Variants in FOXD4 observed in about 807,000 individuals in gnomAD.
FOXD4 encodes forkhead box protein D4.
Under a neutral mutation model 26.5 loss-of-function variants are expected in FOXD4, and 22 were observed. That is an observed-to-expected ratio of 0.83 (90% CI 0.59 to 1.18). FOXD4 has a LOEUF of 1.18. FOXD4 is among the 50% of genes most tolerant of loss of function. The pLI, the probability that FOXD4 is intolerant of heterozygous loss-of-function variation, is 0.00. For missense variants in FOXD4, 625 were observed against 605.8 expected (o/e 1.03, Z -0.33); for synonymous variants, 258 against 273.7 (o/e 0.94, Z 0.57).
At position 117,667 on chromosome 9, in the gene FOXD4, G is replaced by A; in HGVS notation, c.453C>T (p.Ser151=). The part of the protein sequence containing the change: ...YRRKFPAWQN[S]IRHNLSLNDC... Reference sequence around the variant, plus strand: ...CGTTCAGCGAGAGGTTGTGGCGGATGCTGTTCTGCCAGGCGGGGAACTTGC... The same window carrying A: ...CGTTCAGCGAGAGGTTGTGGCGGATACTGTTCTGCCAGGCGGGGAACTTGC... The change falls in exon 1 of 1, where the codon AGC becomes AGT. Residue 151 remains serine, a synonymous_variant. Transcript: ENST00000382500. 6.2e-7 allele frequency: 1 copy of A among 1,613,338 alleles called. No individual in the cohort carries two copies. Among genetic ancestry groups the A allele is most frequent in the Non-Finnish European group, 8.5e-7 (1 of 1,179,900 alleles).
Position 118,092 on chromosome 9 carries a change from G to A in FOXD4, c.28C>T (p.Arg10Cys). 6.2e-7 allele frequency: 1 copy of A among 1,611,950 alleles called. No homozygotes were observed. Among genetic ancestry groups the A allele is most frequent in the Non-Finnish European group, 8.5e-7 (1 of 1,179,848 alleles). The stretch of plus-strand genomic sequence containing the variant: ...CGGAGGCTGCGCTGCGGTGTGGAGC[G>A]AAGGCGCTCAGCTCTTGGCAAGTTC... MNLPRAERL[R>C]STPQRSLRDS... The change falls in exon 1 of 1, where the codon CGC (arginine) becomes TGC (cysteine). Residue 10 changes from arginine (R) to cysteine (C), a missense_variant. Physicochemically the swap from Arg to Cys is radical, Grantham distance 180. Coordinates refer to ENST00000382500, the MANE Select transcript of FOXD4 (RefSeq NM_207305.5).
Position 116,622 on chromosome 9 carries a change from G to A in FOXD4, c.*178C>T, listed in dbSNP as rs541524788. 6.0e-5 allele frequency: 66 copies of A among 1,096,460 alleles called. 1 individual carries two copies. The Middle Eastern group carries it at 1.9e-3, about 32-fold the overall frequency. 67.9% of individuals were successfully genotyped at this position (1,096,460 alleles called of 1,614,324 possible). On this transcript the variant is annotated 3_prime_UTR_variant, in exon 1 of 1. Transcript: ENST00000382500. The stretch of plus-strand genomic sequence containing the variant: ...GCAAGAAAAGATGACTTGACGCCCT[G>A]CGAAGGTTACGTTCAGGTGGTTTTT...
chr9:117,969 G>A lies in FOXD4; in HGVS notation c.151C>T (p.Leu51Phe), dbSNP rs1819416380. 1.2e-6 allele frequency: 2 copies of A among 1,611,978 alleles called. No homozygotes were observed. The highest frequency in any genetic ancestry group is 1.7e-6 in the Non-Finnish European group (2 of 1,179,792). The change falls in exon 1 of 1, where the codon CTC becomes TTC. Residue 51 changes from leucine to phenylalanine, a missense_variant. Physicochemically the swap from Leu to Phe is conservative, Grantham distance 22. Transcript: ENST00000382500. ...AASQQFLEQS[L>F]QPGLQVARWG... is the part of the protein sequence containing the mutation. ...CGGGCCACCTGCAGCCCCGGCTGGA[G>A]CGACTGCTCTAGGAACTGCTGGCTC...
In FOXD4 at chr9:116,443, G is replaced by C. The variant is rs1303881089; in HGVS notation, c.*357C>G. 5.7e-5 allele frequency: 23 copies of C among 402,114 alleles called. No homozygotes were observed. The highest frequency in any genetic ancestry group is 1.1e-4 in the Non-Finnish European group (23 of 211,784). The allele number at this position is 402,114 out of a possible 1,614,324, so 24.9% of individuals were successfully genotyped here. A position where few individuals can be genotyped will look rare whatever the true frequency, so the allele number is the denominator to read the frequency against. Reference sequence around the variant, plus strand: ...TAGGAATAATACTTCCAGTTCCAAGGAAGTGAAGAAGGGGGAACATGTTTG... The same window carrying C: ...TAGGAATAATACTTCCAGTTCCAAGCAAGTGAAGAAGGGGGAACATGTTTG... On this transcript the variant is annotated 3_prime_UTR_variant, in exon 1 of 1. Coordinates refer to ENST00000382500, the MANE Select transcript of FOXD4 (RefSeq NM_207305.5).
At position 118,116 on chromosome 9, in the gene FOXD4, T is replaced by G. The variant is rs1478850981; in HGVS notation, c.4A>C (p.Asn2His). 6.8e-6 allele frequency: 11 copies of G among 1,611,814 alleles called. 1 individual carries two copies. Among genetic ancestry groups the G allele is most frequent in the Non-Finnish European group, 9.3e-6 (11 of 1,179,828 alleles). The change falls in exon 1 of 1, where the codon AAC (asparagine) becomes CAC (histidine). Residue 2 changes from asparagine to histidine, a missense_variant. By Grantham distance (68) the Asn-to-His change is moderately conservative (BLOSUM62 1). This residue lies in a region of FOXD4 where 399 missense variants were observed against 329.4 expected (regional missense o/e 1.21). Transcript: ENST00000382500. ...CGAAGGCGCTCAGCTCTTGGCAAGT[T>G]CATGGCGGAGCAGGTGCTTCAGTCG... is the stretch of plus-strand genomic sequence containing the variant. Reference protein sequence around the residue: MNLPRAERLRST... With the variant: MHLPRAERLRST...
In FOXD4 at chr9:118,163, C is replaced by G; in HGVS notation, c.-44G>C. Reference sequence around the variant, plus strand: ...GTCGCAGGGGATGTGGCGGCCGGATCACCTGGCCCCGGCGGGCTGAGCTGG... The same window carrying G: ...GTCGCAGGGGATGTGGCGGCCGGATGACCTGGCCCCGGCGGGCTGAGCTGG... On this transcript the variant is annotated 5_prime_UTR_variant, in exon 1 of 1. Coordinates refer to ENST00000382500, the MANE Select transcript of FOXD4 (RefSeq NM_207305.5). The G allele has an allele frequency of 1.3e-6, 2 of 1,542,938 alleles. No individual in the cohort carries two copies. The highest frequency in any genetic ancestry group is 1.7e-6 in the Non-Finnish European group (2 of 1,147,168).
At position 117,454 on chromosome 9, in the gene FOXD4, G is replaced by A. The variant is rs1213971492; in HGVS notation, c.666C>T (p.Ala222=). The A allele has an allele frequency of 8.1e-6, 13 of 1,601,602 alleles. No individual in the cohort carries two copies. The highest frequency in any genetic ancestry group is 9.3e-6 in the Non-Finnish European group (11 of 1,178,470). The part of the protein sequence containing the change: ...PHPFPLPAAH[A]ALHNPRPGPL... ...GGCCTGGGCGGGGGTTGTGCAGGGC[G>A]GCGTGTGCAGCAGGTAGAGGGAAGG... is the stretch of plus-strand genomic sequence containing the variant. The change falls in exon 1 of 1, where the codon GCC becomes GCT. Residue 222 remains alanine, a synonymous_variant. Transcript: ENST00000382500.
In FOXD4 at chr9:117,736, G is replaced by T. The variant is rs572848687; in HGVS notation, c.384C>A (p.Ser128Arg). 1.3e-5 allele frequency: 21 copies of T among 1,613,210 alleles called. No individual in the cohort carries two copies. The highest frequency in any genetic ancestry group is 3.3e-5 in the Admixed American group (2 of 60,026). The change falls in exon 1 of 1, where the codon AGC becomes AGA. Residue 128 changes from serine (S) to arginine (R), a missense_variant. Transcript: ENST00000382500. ...LQSPHKRLTL[S>R]GICAFISDRF... Reference sequence around the variant, plus strand: ...GGTCACTAATGAAGGCGCAGATGCCGCTGAGCGTGAGGCGCTTGTGCGGGC... The same window carrying T: ...GGTCACTAATGAAGGCGCAGATGCCTCTGAGCGTGAGGCGCTTGTGCGGGC...
At position 117,872 on chromosome 9, in the gene FOXD4, C is replaced by G; in HGVS notation, c.248G>C (p.Gly83Ala). The G allele has an allele frequency of 1.2e-6, 2 of 1,611,974 alleles. No individual in the cohort carries two copies. Among genetic ancestry groups the G allele is most frequent in the Non-Finnish European group, 1.7e-6 (2 of 1,179,794 alleles). ...CCTTGGCGGTGCCCTGAACTCGGTG[C>G]CAAACTCTGAGGGGTCGCTCGGGCC... ...GGGPSDPSEF[G>A]TEFRAPPRSA... The change falls in exon 1 of 1, where the codon GGC becomes GCC. Residue 83 changes from glycine (G) to alanine (A), a missense_variant. Physicochemically the swap from Gly to Ala is moderately conservative, Grantham distance 60. Coordinates refer to ENST00000382500, the MANE Select transcript of FOXD4 (RefSeq NM_207305.5).
chr9:118,123 G>A lies in FOXD4; in HGVS notation c.-4C>T, dbSNP rs12347535. ...GCTCAGCTCTTGGCAAGTTCATGGC[G>A]GAGCAGGTGCTTCAGTCGCAGGGGA... On this transcript the variant is annotated 5_prime_UTR_variant, in exon 1 of 1. Coordinates refer to ENST00000382500, the MANE Select transcript of FOXD4 (RefSeq NM_207305.5). The A allele has an allele frequency of 6.1e-4, 983 of 1,611,946 alleles. 5 individuals are homozygous for A. In the African/African-American group the frequency reaches 0.012, roughly 19 times the overall value.
Position 116,289 on chromosome 9 carries a change from T to G in FOXD4, c.*511A>C, listed in dbSNP as rs1237144565. On this transcript the variant is annotated 3_prime_UTR_variant, in exon 1 of 1. Coordinates refer to ENST00000382500, the MANE Select transcript of FOXD4 (RefSeq NM_207305.5). ...ATAACTAGGCTTAATTTTAACACCT[T>G]AATTTTAACATTAAAGATGGCACGT... The G allele has an allele frequency of 5.6e-6, 1 of 179,782 alleles. No homozygotes were observed. The highest frequency in any genetic ancestry group is 1.3e-5 in the Non-Finnish European group (1 of 75,076). The allele number at this position is 179,782 out of a possible 1,614,324, so 11.1% of individuals were successfully genotyped here.
chr9:117,092 C>T lies in FOXD4; in HGVS notation c.1028G>A (p.Arg343Gln), dbSNP rs754017099. The change falls in exon 1 of 1, where the codon CGA becomes CAA. Residue 343 changes from arginine (R) to glutamine (Q), a missense_variant. Transcript: ENST00000382500. ...GCAGGGGGCAGTAGCTCCACGCGGT[C>T]GGGGACAAACTCTGCGCAGCCCCTG... is the stretch of plus-strand genomic sequence containing the variant. ...RVQGLRRVCPRPRGATAPCSS... is the reference protein window; with the variant it reads ...RVQGLRRVCPQPRGATAPCSS... 72 of 1,611,876 alleles carry T rather than the reference C, an allele frequency of 4.5e-5. No homozygotes were observed. Among genetic ancestry groups the T allele is most frequent in the Non-Finnish European group, 5.8e-5 (68 of 1,179,854 alleles).
At position 118,201 on chromosome 9, in the gene FOXD4, A is replaced by AAT. The variant is rs1819427919; in HGVS notation, c.-84_-83dup. 28 of 1,610,570 alleles carry AAT rather than the reference A, an allele frequency of 1.7e-5. No homozygotes were observed. Among genetic ancestry groups the AAT allele is most frequent in the South Asian group, 9.9e-5 (9 of 90,940 alleles). ...CGGGCTGAGCTGGAAGCCCGGGATG[A>AAT]ATGTTGCAAGAAGCAGGAACGCTAG... On this transcript the variant is annotated 5_prime_UTR_variant, in exon 1 of 1. Transcript: ENST00000382500.
At position 117,020 on chromosome 9, in the gene FOXD4, C is replaced by T. The variant is rs181689053; in HGVS notation, c.1100G>A (p.Arg367Gln). 6.2e-7 allele frequency: 1 copy of T among 1,612,074 alleles called. No individual in the cohort carries two copies. Among genetic ancestry groups the T allele is most frequent in the Non-Finnish European group, 8.5e-7 (1 of 1,179,860 alleles). Residue 367 changes from arginine to glutamine, a missense_variant, in exon 1 of 1, where the codon CGG (arginine) becomes CAG (glutamine). Around this residue, in one of 3 missense-constraint regions of FOXD4, gnomAD observed 134 missense variants for 132.2 expected, o/e 1.01. Coordinates refer to ENST00000382500, the MANE Select transcript of FOXD4 (RefSeq NM_207305.5). ...GTTGGCGCAGTCCTCCTCCTGATGC[C>T]GCTGCTGTTGCTGCAAAATTGTCCG... Reference protein sequence around the residue: ...ACRTILQQQQRHQEEDCANGC... With the variant: ...ACRTILQQQQQHQEEDCANGC...
chr9:116,233 G>C lies in FOXD4; in HGVS notation c.*567C>G, dbSNP rs1322169781. 5.8e-6 allele frequency: 1 copy of C among 173,012 alleles called. No homozygotes were observed. The highest frequency in any genetic ancestry group is 1.4e-5 in the Non-Finnish European group (1 of 71,340). 10.7% of individuals were successfully genotyped at this position (173,012 alleles called of 1,614,324 possible). ...GACGTAATAGAAAATAAACGATGTA[G>C]TGTAGTGACTTAGCATTTTATTTCG... On this transcript the variant is annotated 3_prime_UTR_variant, in exon 1 of 1. Transcript: ENST00000382500.
Position 117,327 on chromosome 9 carries a change from G to C in FOXD4, c.793C>G (p.Arg265Gly), listed in dbSNP as rs776688538. 1.9e-6 allele frequency: 3 copies of C among 1,598,506 alleles called. No individual in the cohort carries two copies. Among genetic ancestry groups the C allele is most frequent in the Non-Finnish European group, 2.5e-6 (3 of 1,179,504 alleles). The change falls in exon 1 of 1, where the codon CGC becomes GGC. Residue 265 changes from arginine to glycine, a missense_variant. Around this residue, in one of 3 missense-constraint regions of FOXD4, gnomAD observed 92 missense variants for 144.2 expected, o/e 0.64. Coordinates refer to ENST00000382500, the MANE Select transcript of FOXD4 (RefSeq NM_207305.5). ...PYALLHPHPP[R>G]YLLLSAPAYA... ...GCGGGGGCCGAGAGCAGTAGGTAGC[G>C]AGGAGGATGCGGGTGCAGCAGAGCG...
chr9:118,011 C>G lies in FOXD4; in HGVS notation c.109G>C (p.Asp37His). 1 of 1,611,878 alleles carries G rather than the reference C, an allele frequency of 6.2e-7. No individual in the cohort carries two copies. Residue 37 changes from aspartate to histidine, a missense_variant, in exon 1 of 1, where the codon GAC (aspartate) becomes CAC (histidine). Asp to His is a moderately conservative substitution (Grantham distance 81). Around this residue, in one of 3 missense-constraint regions of FOXD4, gnomAD observed 399 missense variants for 329.4 expected, o/e 1.21. Coordinates refer to ENST00000382500, the MANE Select transcript of FOXD4 (RefSeq NM_207305.5). ...TGCTGGCTCGCCGCCTCCTCCTCGT[C>G]TTCATCTTCCTCCTCTCCCAGGACA... is the stretch of plus-strand genomic sequence containing the variant. ...IDVLGEEEDE[D>H]EEEAASQQFL...
rs1819365511 is a variant in FOXD4 at position 116,733 on chromosome 9, C to G, written c.*67G>C. On this transcript the variant is annotated 3_prime_UTR_variant, in exon 1 of 1. Transcript: ENST00000382500. The stretch of plus-strand genomic sequence containing the variant: ...TGCTCTCCAGCGGGATTCAGATGCA[C>G]ACGCCCAGTATGGGCCGCGCAAGGT... 1 of 1,526,036 alleles carries G rather than the reference C, an allele frequency of 6.6e-7. No homozygotes were observed. Among genetic ancestry groups the G allele is most frequent in the East Asian group, 2.3e-5 (1 of 44,246 alleles). 94.5% of individuals were successfully genotyped at this position (1,526,036 alleles called of 1,614,324 possible).
rs373774813 is a variant in FOXD4 at position 116,773 on chromosome 9, C to T, written c.*27G>A. The T allele has an allele frequency of 3.8e-6, 6 of 1,570,190 alleles. No homozygotes were observed. The highest frequency in any genetic ancestry group is 5.2e-6 in the Non-Finnish European group (6 of 1,159,342). ...CCGCGCAAGGTGGAGTGAGCAGCTG[C>T]GGGTCGCTCCCCACTCCCACCTGGC... On this transcript the variant is annotated 3_prime_UTR_variant, in exon 1 of 1. Transcript: ENST00000382500.
Sources: gnomAD v4.1 joint callset for allele counts on GRCh38, gnomAD v4.1.1 for gene constraint, gnomAD v4.1.1 regional missense constraint, MANE v1.5 for transcripts, NCBI Gene and HGNC (gene_info 2026-07-23, HGNC 2026-07-21) for gene names.